Variants in NUP210 observed in about 807,000 individuals in gnomAD.
NUP210 encodes nuclear pore membrane glycoprotein 210.
A neutral mutation model predicts 196.0 loss-of-function variants in NUP210; 151 were observed. The observed-to-expected ratio is 0.77, with a 90% confidence interval of 0.67 to 0.88. The LOEUF (loss-of-function observed/expected upper bound fraction) is 0.88, where lower values mean the gene tolerates loss of function less well. Ranked by LOEUF, NUP210 falls within the 40% of genes least tolerant of loss-of-function variation. The pLI, the probability that NUP210 is intolerant of heterozygous loss-of-function variation, is 0.00. For missense variants in NUP210, 2,314 were observed against 2,493.7 expected (o/e 0.93, Z 1.53); for synonymous variants, 1,070 against 1,052.7 (o/e 1.02, Z -0.32).
At chr3:13,337,221 G>A (rs577056246) in intron 26 of NUP210, among the ~76,000 whole-genome samples, 26 of 152,350 alleles carry the variant, frequency 1.7e-4, no homozygotes, top group Non-Finnish European at 2.2e-4. Context: ...CACAGCTCGT[G>A]CTGCCCCACA....
rs141796962 is a variant in NUP210, at chr3:13,365,326, C to A, written c.1932+620G>T. On this transcript the variant is annotated intron_variant, in intron 14 of 39. Transcript: ENST00000254508. ...CATGAGGCAAGAGCTGTCTCAGTCC[C>A]ATTTTACAGGCAGGGAATGTAAGGC... 9.1e-3 allele frequency among the ~76,000 whole-genome samples: 1,386 copies of A among 152,292 alleles called. 20 individuals are homozygous for A. Among genetic ancestry groups the A allele is most frequent in the African/African-American group, 0.032 (1,326 of 41,574 alleles).
intron 1 of NUP210, among the ~76,000 whole-genome samples, chr3:13,408,461 A>G (rs1700064805): frequency 6.6e-6 from 1 of 152,222 alleles, no homozygotes; most frequent in African/African-American, 2.4e-5. Context: ...CAGAATTTAC[A>G]GACAAGGCCA....
chr3:13,349,164 ACAAGGGCC>A (rs1333091730), intron 20 of NUP210, among the ~76,000 whole-genome samples: 2 of 152,222 alleles, frequency 1.3e-5, no homozygotes, highest in Non-Finnish European at 1.5e-5. Context: ...TCTGGGAAGA[ACAAGGGCC>A]TGTGGTGCGT....
At chr3:13,416,234 C>G (rs1468141718) in intron 1 of NUP210, among the ~76,000 whole-genome samples, 5 of 152,136 alleles carry the variant, frequency 3.3e-5, no homozygotes, top group Non-Finnish European at 4.4e-5. Flanking sequence ...CCAGGAGAGA[C>G]TGTCAGGGGC....
chr3:13,388,734 C>T (rs6797729), intron 4 of NUP210, among the ~76,000 whole-genome samples: 87,853 of 152,192 alleles, frequency 0.58, 26,551 homozygotes, highest in African/African-American at 0.76. Flanking sequence ...GCACACGTGA[C>T]GTAAATACTA....
rs1419449555 is a variant in NUP210, at chr3:13,337,888, T to C, written c.3501A>G (p.Leu1167=). 5 of 1,612,888 alleles carry C rather than the reference T, an allele frequency of 3.1e-6. No homozygotes were observed. In the Admixed American group the frequency reaches 8.3e-5, roughly 27 times the overall value. ...QDLVQVEVLL[L]RAVRIRAPIM... is the part of the protein sequence containing the mutation. The stretch of plus-strand genomic sequence containing the variant: ...TGGGGGCGCGGATCCTCACGGCCCT[T>C]AGCAGCAGCACCTCCACCTGCACGA... Residue 1167 remains leucine (L), a synonymous_variant, in exon 26 of 40, where the codon CTA becomes CTG. Coordinates refer to ENST00000254508, the MANE Select transcript of NUP210 (RefSeq NM_024923.4).
At chr3:13,393,728 A>T (rs1027818109) in intron 3 of NUP210, among the ~76,000 whole-genome samples, 1 of 152,154 alleles carries the variant, frequency 6.6e-6, no homozygotes, top group African/African-American at 2.4e-5. Flanking sequence ...GCTCTCAATA[A>T]ATCTGTGCCC....
At position 13,379,154 on chromosome 3, in the gene NUP210, GC is replaced by G. The variant is rs1699019983; in HGVS notation, c.977-175del. ...GCAAAGGCACTTTTCAGAATCAAAG[GC>G]CACACTGCGCTTGCCACACTAGCAA... On this transcript the variant is annotated intron_variant, in intron 7 of 39. Coordinates refer to ENST00000254508, the MANE Select transcript of NUP210 (RefSeq NM_024923.4). The surrounding 1 kb of genome is among the most constrained non-coding windows in gnomAD (Gnocchi z 4.2). Among the ~76,000 whole-genome samples the G allele has an allele frequency of 6.6e-6, 1 of 152,184 alleles. No individual in the cohort carries two copies. Among genetic ancestry groups the G allele is most frequent in the Non-Finnish European group, 1.5e-5 (1 of 68,044 alleles).
intron 3 of NUP210, among the ~76,000 whole-genome samples, chr3:13,394,111 C>T: frequency 6.6e-6 from 1 of 152,262 alleles, no homozygotes; most frequent in Middle Eastern, 3.4e-3. Flanking sequence ...AGAACAAGTC[C>T]CACCTTGGGC....
At chr3:13,367,959 ATGTGTTTAGC>A (rs1343950646) in intron 13 of NUP210, among the ~76,000 whole-genome samples, 1 of 152,196 alleles carries the variant, frequency 6.6e-6, no homozygotes, top group Admixed American at 6.5e-5. Flanking sequence ...CAGGGCGTGC[ATGTGTTTAGC>A]TGTAGAAATT....
At position 13,347,519 on chromosome 3, in the gene NUP210, C is replaced by T. The variant is rs1252226115; in HGVS notation, c.2836-4216G>A. On this transcript the variant is annotated intron_variant, in intron 20 of 39. Coordinates refer to ENST00000254508, the MANE Select transcript of NUP210 (RefSeq NM_024923.4). The surrounding 1 kb of genome is among the most constrained non-coding windows in gnomAD (Gnocchi z 4.7). ...GAGCAAAATTCATCACGGCCCTGCA[C>T]AGTCCATGTCCACTGTGTGGGGATA... 6.6e-6 allele frequency among the ~76,000 whole-genome samples: 1 copy of T among 152,200 alleles called. No homozygotes were observed. The highest frequency in any genetic ancestry group is 2.4e-5 in the African/African-American group (1 of 41,438).
chr3:13,332,425 A>G, intron 28 of NUP210, 41 bp from the exon 29 acceptor site: 1 of 1,468,384 alleles, frequency 6.8e-7, no homozygotes, highest in Middle Eastern at 1.7e-4. Flanking sequence ...GGGGCACTGG[A>G]GTCACATTCA....
In NUP210 at chr3:13,360,608, C is replaced by CTGTTTGA. The variant is rs1363457830; in HGVS notation, c.1933-118_1933-117insTCAAACA. 27 of 701,264 alleles carry CTGTTTGA rather than the reference C, an allele frequency of 3.9e-5. No homozygotes were observed. The African/African-American group carries it at 3.9e-4, about 10-fold the overall frequency. The allele number at this position is 701,264 out of a possible 1,614,324, so 43.4% of individuals were successfully genotyped here. The stretch of plus-strand genomic sequence containing the variant: ...TGGGGGCTGGTGGTCAGGCAAGCCC[C>CTGTTTGA]ATCTCCTGTTTGAAACTCATTCTCG... On this transcript the variant is annotated intron_variant, in intron 14 of 39. Transcript: ENST00000254508.
intron 20 of NUP210, 132 bp downstream of exon 20, chr3:13,351,747 C>T: frequency 3.1e-6 from 2 of 653,100 alleles, no homozygotes; most frequent in South Asian, 1.8e-5. Context: ...ATCTTCCTGC[C>T]TTGACCTCCC....
chr3:13,389,272 C>T (rs1699400079), intron 4 of NUP210, among the ~76,000 whole-genome samples: 2 of 152,200 alleles, frequency 1.3e-5, no homozygotes, highest in Non-Finnish European at 1.5e-5. Flanking sequence ...GAGCTAGCTG[C>T]CTGGAAGCTC....
At chr3:13,338,947 C>T (rs1195733532) in intron 25 of NUP210, among the ~76,000 whole-genome samples, 2 of 152,110 alleles carry the variant, frequency 1.3e-5, no homozygotes, top group East Asian at 3.9e-4. Flanking sequence ...TACCTACGCC[C>T]TCAGGAGAAA....
At position 13,327,308 on chromosome 3, in the gene NUP210, C is replaced by A; in HGVS notation, c.4416G>T (p.Leu1472=). ...EHPGLSDFMP[L]PVLQAISPEL... is the part of the protein sequence containing the mutation. ...CTGGGGAGATGGCCTGTAGGACAGG[C>A]AGGGGCATGAAGTCCGAGAGGCCCG... The change falls in exon 32 of 40, where the codon CTG becomes CTT. Residue 1472 remains leucine, a synonymous_variant. Transcript: ENST00000254508. The A allele has an allele frequency of 6.2e-7, 1 of 1,613,474 alleles. No individual in the cohort carries two copies. Among genetic ancestry groups the A allele is most frequent in the Non-Finnish European group, 8.5e-7 (1 of 1,180,038 alleles).
At chr3:13,413,553 T>C (rs1333452884) in intron 1 of NUP210, among the ~76,000 whole-genome samples, 1 of 152,146 alleles carries the variant, frequency 6.6e-6, no homozygotes, top group Admixed American at 6.5e-5. Flanking sequence ...TCCATCCAGA[T>C]GACTCAAAGC....
rs59213240 is a variant in NUP210 at position 13,386,441 on chromosome 3, G to A, written c.685-34C>T. On this transcript the variant is annotated intron_variant, in intron 5 of 39. Coordinates refer to ENST00000254508, the MANE Select transcript of NUP210 (RefSeq NM_024923.4). Reference sequence around the variant, plus strand: ...AAAGAAAAGGCAGACAAAGTGAGGTGCGGACAGGGAATGGGGAAGTGGTGG... The same window carrying A: ...AAAGAAAAGGCAGACAAAGTGAGGTACGGACAGGGAATGGGGAAGTGGTGG... 3,942 of 1,612,998 alleles carry A rather than the reference G, an allele frequency of 2.4e-3. 90 individuals are homozygous for A. In the African/African-American group the frequency reaches 0.047, roughly 19 times the overall value.
Sources: allele counts gnomAD v4.1 joint callset (sites outside exome capture counted in the v4.1 genomes callset), GRCh38; gene constraint gnomAD v4.1.1; non-coding constraint Gnocchi (gnomAD v3.1); transcripts MANE v1.5; gene names NCBI Gene and HGNC (gene_info 2026-07-23, HGNC 2026-07-21).